Variants in MED14 observed in about 807,000 individuals in gnomAD.
The protein encoded by MED14 is mediator complex subunit 14.
A neutral mutation model predicts 109.0 loss-of-function variants in MED14; 8 were observed. The observed-to-expected ratio is 0.07, with a 90% CI of 0.04 to 0.13. MED14 has a LOEUF of 0.13. Among genes scored for constraint, MED14 ranks in the 10% least tolerant of loss-of-function variants. The pLI is 1.00. For missense variants in MED14, 711 were observed against 1,142.4 expected (o/e 0.62, Z 5.44); for synonymous variants, 399 against 408.7 (o/e 0.98, Z 0.29).
chrX:40,701,046 TA>T, intron 12 of MED14, 118 bp downstream of exon 12: 1 of 450,845 alleles, frequency 2.2e-6, no homozygotes, highest in Non-Finnish European at 3.7e-6. Context: ...AAACGGCACT[TA>T]AGTTTCATGT....
chrX:40,711,878 G>A (rs770759214), intron 7 of MED14, among the ~76,000 whole-genome samples: 7 of 109,002 alleles, frequency 6.4e-5, no homozygotes, highest in Non-Finnish European at 1.1e-4. Context: ...TGATACACCC[G>A]CCTCAGCCTC....
At chrX:40,720,273 T>C (rs1380025834) in intron 3 of MED14, among the ~76,000 whole-genome samples, 6 of 112,046 alleles carry the variant, frequency 5.4e-5, no homozygotes, top group Non-Finnish European at 9.4e-5. Context: ...GAAAGAGGCA[T>C]TGAGGAGGGC....
chrX:40,651,985 G>A, intron 30 of MED14, 106 bp from the exon 31 acceptor site: 1 of 787,255 alleles, frequency 1.3e-6, no homozygotes, highest in East Asian at 4.1e-5. Context: ...GAACTTTAAA[G>A]ATCAAAATAA....
At chrX:40,704,531 A>G (rs1386557395) in intron 10 of MED14, among the ~76,000 whole-genome samples, 3 of 112,238 alleles carry the variant, frequency 2.7e-5, no homozygotes, top group Non-Finnish European at 5.6e-5. Context: ...CTTCCCCTCC[A>G]TGCCACAGGT....
intron 28 of MED14, among the ~76,000 whole-genome samples, chrX:40,655,844 G>C (rs1157788661): frequency 9.0e-6 from 1 of 111,193 alleles, no homozygotes; most frequent in Non-Finnish European, 1.9e-5. Flanking sequence ...AAAAGAGTGA[G>C]GTAATTGAAG....
chrX:40,707,138 T>C (rs758056081), intron 10 of MED14, among the ~76,000 whole-genome samples: 12 of 105,851 alleles, frequency 1.1e-4, no homozygotes, highest in East Asian at 1.1e-3. Flanking sequence ...GATAGATAGA[T>C]AGATAGATAG....
chrX:40,677,526 T>C (rs761726763), intron 21 of MED14, among the ~76,000 whole-genome samples: 2 of 111,249 alleles, frequency 1.8e-5, no homozygotes, highest in Non-Finnish European at 3.8e-5. Context: ...AATGTTGCCA[T>C]ATAATAGAAT....
chrX:40,659,604 G>T lies in MED14; in HGVS notation c.3688C>A (p.Gln1230Lys). 2 of 1,192,022 alleles carry T rather than the reference G, an allele frequency of 1.7e-6. No homozygotes were observed. Among genetic ancestry groups the T allele is most frequent in the Non-Finnish European group, 2.3e-6 (2 of 885,733 alleles). The change falls in exon 27 of 31, where the codon CAG (glutamine) becomes AAG (lysine). Residue 1230 changes from glutamine (Q) to lysine (K), a missense_variant. Physicochemically the swap from Gln to Lys is moderately conservative, Grantham distance 53 (BLOSUM62 1). Transcript: ENST00000324817. ...CCGGGTTCATTAGAATTTATCAGCT[G>T]CAGCTACAAAACAAGGACACATCAA... ...LQRIIQQETL[Q>K]LINSNEPGVI...
chrX:40,679,935 G>A lies in MED14; in HGVS notation c.2809C>T (p.Arg937Trp). 1 of 1,209,395 alleles carries A rather than the reference G, an allele frequency of 8.3e-7. No homozygotes were observed. The highest frequency in any genetic ancestry group is 1.1e-6 in the Non-Finnish European group (1 of 893,453). Residue 937 changes from arginine to tryptophan, a missense_variant, in exon 21 of 31, where the codon CGG becomes TGG. Physicochemically the swap from Arg to Trp is moderately radical, Grantham distance 101 (BLOSUM62 -3). Around this residue, in one of 8 missense-constraint regions of MED14, gnomAD observed 29 missense variants for 102.4 expected, o/e 0.28. Transcript: ENST00000324817. ...YCRSRGVVAI[R>W]DGAYSLFDNS... ...TCAAAAAGACTATAGGCACCATCCC[G>A]TATTGCCACAACACCTCGACTCCGG... is the stretch of plus-strand genomic sequence containing the variant.
In MED14 at chrX:40,650,092, T is replaced by C. The variant is rs773504186; in HGVS notation, c.*1714A>G. The C allele has an allele frequency of 1.9e-5, 14 of 752,365 alleles. No homozygotes were observed. Among genetic ancestry groups the C allele is most frequent in the African/African-American group, 1.4e-4 (6 of 43,476 alleles). 62.0% of individuals were successfully genotyped at this position (752,365 alleles called of 1,213,427 possible). A position where few individuals can be genotyped will look rare whatever the true frequency, so the allele number is the denominator to read the frequency against. On this transcript the variant is annotated 3_prime_UTR_variant, in exon 31 of 31. Transcript: ENST00000324817. ...ATGAAAGAAAAGATTCAGCTCCAAA[T>C]AGAAAAGGGCTGACCCTTGATAAAG...
At chrX:40,679,476 C>T (rs1305497818) in intron 21 of MED14, among the ~76,000 whole-genome samples, 1 of 111,665 alleles carries the variant, frequency 9.0e-6, no homozygotes, top group Non-Finnish European at 1.9e-5. Context: ...CGCTGCACTC[C>T]AGCCTGGGTG....
At chrX:40,714,423 C>A in intron 4 of MED14, 114 bp downstream of exon 4, 1 of 842,461 alleles carries the variant, frequency 1.2e-6, no homozygotes, top group Non-Finnish European at 1.6e-6. Flanking sequence ...AAAAAGCAAA[C>A]TATATGTACT....
At chrX:40,717,561 C>T (rs1220707579) in intron 3 of MED14, among the ~76,000 whole-genome samples, 2 of 111,179 alleles carry the variant, frequency 1.8e-5, no homozygotes, top group Non-Finnish European at 3.8e-5. Context: ...CTTGCTCTGT[C>T]GCCCAGGCTG....
chrX:40,661,791 G>A (rs1929282646), intron 26 of MED14, among the ~76,000 whole-genome samples: 1 of 111,564 alleles, frequency 9.0e-6, no homozygotes, highest in Non-Finnish European at 1.9e-5. Context: ...CATAGGATAA[G>A]TTAGAAGTCT....
chrX:40,717,903 A>C (rs1340148347), intron 3 of MED14, among the ~76,000 whole-genome samples: 1 of 112,124 alleles, frequency 8.9e-6, no homozygotes, highest in Non-Finnish European at 1.9e-5. Context: ...GCCAACTTAA[A>C]ACATAGTACC....
chrX:40,729,536 A>C, intron 1 of MED14, 191 bp from the exon 2 acceptor site: 1 of 418,006 alleles, frequency 2.4e-6, no homozygotes, highest in Non-Finnish European at 4.1e-6. Context: ...ATAAGGCAAA[A>C]ACCAACAAAA....
intron 6 of MED14, 81 bp from the exon 7 acceptor site, chrX:40,712,374 A>G (rs1237056137): frequency 3.4e-6 from 2 of 584,816 alleles, no homozygotes; most frequent in Admixed American, 3.6e-5. Flanking sequence ...GAAGCACATA[A>G]TAACAATGAA....
chrX:40,714,995 T>C (rs189334749), intron 3 of MED14: 3,354 of 220,857 alleles, frequency 0.015, 20 homozygotes, highest in Middle Eastern at 0.04. Context: ...TTAGGAAAAA[T>C]AAGTAGAATA....
At chrX:40,674,810 TGAG>T (rs1445352522) in intron 22 of MED14, among the ~76,000 whole-genome samples, 1 of 112,359 alleles carries the variant, frequency 8.9e-6, no homozygotes, top group Admixed American at 9.4e-5. Flanking sequence ...CAAATGGTCT[TGAG>T]GACAGAACCC....
Sources: gnomAD v4.1 joint callset for allele counts (sites outside exome capture counted in the v4.1 genomes callset) on GRCh38, gnomAD v4.1.1 for gene constraint, gnomAD v4.1.1 regional missense constraint, MANE v1.5 for transcripts, NCBI Gene and HGNC (gene_info 2026-07-23, HGNC 2026-07-21) for gene names.